SIK2: variants seen among roughly 807,000 people sequenced by gnomAD.
SIK2 encodes serine/threonine-protein kinase SIK2.
In SIK2, 29 loss-of-function variants were observed where a neutral mutation model predicts 103.2. That is an observed-to-expected ratio of 0.28 (90% CI 0.21 to 0.38). SIK2 has a LOEUF of 0.38. Among genes scored for constraint, SIK2 ranks in the 10% least tolerant of loss-of-function variants. The pLI, the probability that SIK2 is intolerant of heterozygous loss-of-function variation, is 1.00. For missense variants in SIK2, 879 were observed against 1,171.0 expected (o/e 0.75, Z 3.64); for synonymous variants, 412 against 446.1 (o/e 0.92, Z 0.96).
chr11:111,602,595 A>G lies in SIK2; in HGVS notation c.32A>G (p.Gln11Arg), dbSNP rs1408435871. Residue 11 changes from glutamine to arginine, a missense_variant, in exon 1 of 15, where the codon CAG becomes CGG. Coordinates refer to ENST00000304987, the MANE Select transcript of SIK2 (RefSeq NM_015191.3). The surrounding 1 kb of genome is among the most constrained non-coding windows in gnomAD (Gnocchi z 4.5). MVMADGPRHL[Q>R]RGPVRVGFYD... ...ATGGCGGATGGCCCGAGGCACTTGC[A>G]GCGCGGGCCGGTCCGGGTGGGGTTC... 1 of 1,530,968 alleles carries G rather than the reference A, an allele frequency of 6.5e-7. No homozygotes were observed. The highest frequency in any genetic ancestry group is 8.8e-7 in the Non-Finnish European group (1 of 1,138,860). The allele number at this position is 1,530,968 out of a possible 1,614,324, so 94.8% of individuals were successfully genotyped here.
intron 8 of SIK2, among the ~76,000 whole-genome samples, chr11:111,709,228 G>A (rs1037426048): frequency 2.6e-5 from 4 of 152,178 alleles, no homozygotes; most frequent in African/African-American, 9.7e-5. Context: ...AGTGTGGAGA[G>A]AAAGATCTCT....
At chr11:111,703,962 C>T (rs1368302294) in intron 7 of SIK2, among the ~76,000 whole-genome samples, 2 of 152,094 alleles carry the variant, frequency 1.3e-5, no homozygotes, top group Admixed American at 6.6e-5. Flanking sequence ...TTTCTGTCCT[C>T]GAATAGTTAG....
chr11:111,635,630 T>G (rs1942100194), intron 3 of SIK2, among the ~76,000 whole-genome samples: 1 of 152,248 alleles, frequency 6.6e-6, no homozygotes, highest in Non-Finnish European at 1.5e-5. Context: ...GGAATGGATC[T>G]GTCAGAGATG....
chr11:111,703,484 C>A, intron 7 of SIK2, 61 bp downstream of exon 7: 1 of 1,464,718 alleles, frequency 6.8e-7, no homozygotes, highest in Non-Finnish European at 9.5e-7. Context: ...TTCATGCTCA[C>A]ACCTGTCATC....
chr11:111,606,501 T>C (rs538471455), intron 1 of SIK2, among the ~76,000 whole-genome samples: 1 of 152,116 alleles, frequency 6.6e-6, no homozygotes, highest in Non-Finnish European at 1.5e-5. Flanking sequence ...CTAGGCGTTT[T>C]GTTTATTATA....
intron 4 of SIK2, among the ~76,000 whole-genome samples, chr11:111,694,425 C>G (rs1189952229): frequency 1.3e-5 from 2 of 152,014 alleles, no homozygotes; most frequent in Admixed American, 1.3e-4. Flanking sequence ...TTGTCTTTAG[C>G]CCAAGAGGAA....
chr11:111,668,052 G>A (rs948836430), intron 3 of SIK2, among the ~76,000 whole-genome samples: 4 of 152,134 alleles, frequency 2.6e-5, no homozygotes, highest in African/African-American at 9.7e-5. Flanking sequence ...TTAGTGAGAT[G>A]ATACTCTGAA....
intron 3 of SIK2, among the ~76,000 whole-genome samples, chr11:111,677,474 G>A (rs1358640317): frequency 1.3e-5 from 2 of 151,890 alleles, no homozygotes; most frequent in African/African-American, 4.8e-5. Flanking sequence ...CTGGAGTGCA[G>A]TGGCATGGTC....
chr11:111,675,882 C>T (rs1942696832), intron 3 of SIK2, among the ~76,000 whole-genome samples: 1 of 152,170 alleles, frequency 6.6e-6, no homozygotes, highest in South Asian at 2.1e-4. Flanking sequence ...GTTAGGCCAT[C>T]TTTCAACCCT....
At chr11:111,666,896 A>G (rs890644026) in intron 3 of SIK2, among the ~76,000 whole-genome samples, 4 of 151,702 alleles carry the variant, frequency 2.6e-5, no homozygotes, top group Non-Finnish European at 4.4e-5. Context: ...ACATATTTAC[A>G]CTCTGTATTA....
At chr11:111,658,359 G>A (rs61899383) in intron 3 of SIK2, among the ~76,000 whole-genome samples, 91,892 of 151,794 alleles carry the variant, frequency 0.61, 31,074 homozygotes, top group East Asian at 0.96. Context: ...TCCTGACCTC[G>A]TGATCCACCC....
intron 4 of SIK2, among the ~76,000 whole-genome samples, chr11:111,692,448 G>A (rs976107302): frequency 2.7e-5 from 4 of 146,196 alleles, no homozygotes; most frequent in Non-Finnish European, 6.0e-5. Context: ...TCTGCCTCAA[G>A]CAGATGGATC....
intron 8 of SIK2, among the ~76,000 whole-genome samples, chr11:111,709,953 GT>G (rs1206503109): frequency 2.6e-5 from 4 of 152,220 alleles, no homozygotes; most frequent in Non-Finnish European, 5.9e-5. Context: ...GGACGGAGCA[GT>G]GTGTCGTAGT....
chr11:111,654,111 C>G (rs1942361548), intron 3 of SIK2, among the ~76,000 whole-genome samples: 2 of 152,176 alleles, frequency 1.3e-5, no homozygotes, highest in Admixed American at 6.5e-5. Context: ...TTTTTCTGCT[C>G]TATAGCAGTG....
intron 3 of SIK2, among the ~76,000 whole-genome samples, chr11:111,626,003 G>T (rs1222361340): frequency 1.3e-5 from 2 of 152,104 alleles, no homozygotes; most frequent in Non-Finnish European, 2.9e-5. Context: ...AACAAATTTG[G>T]ATTACATTGT....
At chr11:111,721,571 G>A (rs1256770998) in intron 12 of SIK2, among the ~76,000 whole-genome samples, 1 of 152,198 alleles carries the variant, frequency 6.6e-6, no homozygotes, top group Non-Finnish European at 1.5e-5. Flanking sequence ...AGGCCCACAT[G>A]AAGGCCATAG....
intron 3 of SIK2, among the ~76,000 whole-genome samples, chr11:111,685,645 C>T (rs372901016): frequency 2.1e-4 from 32 of 151,674 alleles, no homozygotes; most frequent in South Asian, 4.2e-4. Flanking sequence ...GGAGTTTGAG[C>T]CCAGCCTGAA....
In SIK2 at chr11:111,719,786, T is replaced by G; in HGVS notation, c.1278T>G (p.Cys426Trp). Residue 426 changes from cysteine to tryptophan, a missense_variant, in exon 10 of 15, where the codon TGT (cysteine) becomes TGG (tryptophan). Physicochemically the swap from Cys to Trp is radical, Grantham distance 215 (BLOSUM62 -2). Coordinates refer to ENST00000304987, the MANE Select transcript of SIK2 (RefSeq NM_015191.3). ...ECVDTPKVNGCLLDPVPPVLV... is the reference protein window; with the variant it reads ...ECVDTPKVNGWLLDPVPPVLV... ...CCCCTGGCGTTTAGGTCAATGGCTGTCTGCTTGACCCTGTGCCTCCTGTCC... is the reference window on the plus strand; with the variant it reads ...CCCCTGGCGTTTAGGTCAATGGCTGGCTGCTTGACCCTGTGCCTCCTGTCC... 6.2e-7 allele frequency: 1 copy of G among 1,613,390 alleles called. No individual in the cohort carries two copies. The highest frequency in any genetic ancestry group is 8.5e-7 in the Non-Finnish European group (1 of 1,179,866).
At chr11:111,721,143 G>A (rs1378818207) in intron 12 of SIK2, 81 bp downstream of exon 12, 3 of 1,485,118 alleles carry the variant, frequency 2.0e-6, no homozygotes, top group Non-Finnish European at 1.8e-6. Context: ...TTTTCACTTA[G>A]AGGATTTCCT....
Sources: allele counts gnomAD v4.1 joint callset (sites outside exome capture counted in the v4.1 genomes callset), GRCh38; gene constraint gnomAD v4.1.1; non-coding constraint Gnocchi (gnomAD v3.1); transcripts MANE v1.5; gene names NCBI Gene and HGNC (gene_info 2026-07-23, HGNC 2026-07-21).